The following CSMD1 variants were observed in gnomAD, a reference collection of about 807,000 sequenced individuals.
The protein encoded by CSMD1 is CUB and Sushi multiple domains 1.
A neutral mutation model predicts 417.5 loss-of-function variants in CSMD1; 213 were observed. The ratio of observed to expected loss-of-function variants is 0.51; its 90% CI spans 0.46 to 0.57. The LOEUF is 0.57. Ranked by LOEUF, CSMD1 falls within the 20% of genes least tolerant of loss-of-function variation. The pLI, the probability that CSMD1 is intolerant of heterozygous loss-of-function variation, is 0.00. For synonymous variants in CSMD1, 2,862 were observed against 1,736.8 expected, an observed-to-expected ratio of 1.65 and a Z score of -16.11; for missense variants, 6,923 against 4,529.7, an observed-to-expected ratio of 1.53 and a Z score of -15.17.
chr8:3,967,503 G>A (rs368064615), intron 5 of CSMD1, among the ~76,000 whole-genome samples: 10 of 151,928 alleles, frequency 6.6e-5, no homozygotes, highest in East Asian at 3.9e-4. Flanking sequence ...CATGTGTTGC[G>A]GACTTGGATG....
chr8:4,882,239 C>A (rs561851876), intron 1 of CSMD1, among the ~76,000 whole-genome samples: 1 of 151,954 alleles, frequency 6.6e-6, no homozygotes, highest in South Asian at 2.1e-4. Flanking sequence ...GCATCCTCTA[C>A]GTGCCCTGAG....
chr8:4,174,467 G>T (rs531645511), intron 3 of CSMD1, among the ~76,000 whole-genome samples: 2 of 151,510 alleles, frequency 1.3e-5, no homozygotes, highest in African/African-American at 2.4e-5. Flanking sequence ...TTAAATAATA[G>T]GTTTGGAAGG....
At chr8:3,281,039 G>C (rs1162253476) in intron 26 of CSMD1, among the ~76,000 whole-genome samples, 1 of 152,164 alleles carries the variant, frequency 6.6e-6, no homozygotes, top group Non-Finnish European at 1.5e-5. Flanking sequence ...TATCTAGTCA[G>C]GTGAACTGAA....
chr8:3,113,960 G>T lies in CSMD1; in HGVS notation c.6431-3625C>A, dbSNP rs1002667314. 2.0e-5 allele frequency among the ~76,000 whole-genome samples: 3 copies of T among 152,162 alleles called. No individual in the cohort carries two copies. In the East Asian group the frequency reaches 5.8e-4, roughly 29 times the overall value. On this transcript the variant is annotated intron_variant, in intron 42 of 69. Transcript: ENST00000635120. ...AGGCTGGCTGTTATGGCTCATAGCTGTAATTCCAGCACTTTGGTAGGCTTA... is the reference window on the plus strand; with the variant it reads ...AGGCTGGCTGTTATGGCTCATAGCTTTAATTCCAGCACTTTGGTAGGCTTA...
rs1178215146 is a variant in CSMD1, at chr8:3,145,304, G to C, written c.6032-2630C>G. Among the ~76,000 whole-genome samples the C allele has an allele frequency of 1.1e-4, 16 of 152,260 alleles. No homozygotes were observed. In the East Asian group the frequency reaches 2.9e-3, roughly 28 times the overall value. ...TTGGAACACTTAATATTTTATGGTA[G>C]GGAAATGGCTGAGAATGTGCTCACT... On this transcript the variant is annotated intron_variant, in intron 40 of 69. Coordinates refer to ENST00000635120, the MANE Select transcript of CSMD1 (RefSeq NM_033225.6).
chr8:3,052,356 C>T (rs1158797822), intron 50 of CSMD1, 106 bp downstream of exon 50: 2 of 722,028 alleles, frequency 2.8e-6, no homozygotes, highest in African/African-American at 3.6e-5. Context: ...CAAATCCTCA[C>T]AAGGTGTGGG....
At chr8:3,462,608 G>T (rs1036408689) in intron 12 of CSMD1, among the ~76,000 whole-genome samples, 1 of 152,078 alleles carries the variant, frequency 6.6e-6, no homozygotes, top group East Asian at 1.9e-4. Context: ...AACAAGCTCA[G>T]GGCTCCCAAT....
At chr8:4,883,648 A>G (rs1689593385) in intron 1 of CSMD1, among the ~76,000 whole-genome samples, 1 of 152,048 alleles carries the variant, frequency 6.6e-6, no homozygotes, top group African/African-American at 2.4e-5. Context: ...TGTAGCATGT[A>G]TTAGTACTTT....
intron 3 of CSMD1, among the ~76,000 whole-genome samples, chr8:4,307,982 G>A (rs1029840855): frequency 6.6e-6 from 1 of 152,104 alleles, no homozygotes; most frequent in Admixed American, 6.6e-5. Context: ...AATTACAGAG[G>A]CTCAAGGAGG....
chr8:3,911,666 C>T (rs1808476942), intron 5 of CSMD1, among the ~76,000 whole-genome samples: 1 of 152,050 alleles, frequency 6.6e-6, no homozygotes, highest in South Asian at 2.1e-4. Context: ...TTTCACATGT[C>T]ATTGCTTGTC....
At chr8:3,456,639 G>A (rs148387836) in intron 12 of CSMD1, among the ~76,000 whole-genome samples, 152 of 152,254 alleles carry the variant, frequency 1.0e-3, no homozygotes, top group African/African-American at 3.3e-3. Flanking sequence ...CCTAGTGGAC[G>A]TGTTTCAGTA....
chr8:3,573,898 A>G (rs1800041911), intron 10 of CSMD1, among the ~76,000 whole-genome samples: 1 of 152,094 alleles, frequency 6.6e-6, no homozygotes, highest in Non-Finnish European at 1.5e-5. Context: ...TTTTAAGTGA[A>G]ATCAATATGA....
At chr8:3,890,727 T>C (rs1224204243) in intron 5 of CSMD1, among the ~76,000 whole-genome samples, 2 of 152,182 alleles carry the variant, frequency 1.3e-5, no homozygotes, top group African/African-American at 4.8e-5. Context: ...ATTGGGAGCA[T>C]GATGCAAGTT....
At chr8:4,228,421 G>A (rs1624827) in intron 3 of CSMD1, among the ~76,000 whole-genome samples, 5,114 of 152,052 alleles carry the variant, frequency 0.034, 84 homozygotes, top group Middle Eastern at 0.099. Flanking sequence ...CTGAATTTAA[G>A]CAGCAGCACC....
At chr8:3,033,281 T>A (rs1021018564) in intron 50 of CSMD1, among the ~76,000 whole-genome samples, 2 of 152,066 alleles carry the variant, frequency 1.3e-5, no homozygotes, top group African/African-American at 4.8e-5. Flanking sequence ...ATAAACAATA[T>A]GATAAAATTG....
chr8:3,193,717 A>T (rs925374127), intron 33 of CSMD1, among the ~76,000 whole-genome samples: 1 of 152,192 alleles, frequency 6.6e-6, no homozygotes, highest in African/African-American at 2.4e-5. Context: ...TTGACTTCTC[A>T]GGCCAGACAA....
intron 40 of CSMD1, among the ~76,000 whole-genome samples, chr8:3,144,981 G>A (rs1334689490): frequency 5.9e-5 from 9 of 152,056 alleles, no homozygotes; most frequent in East Asian, 1.9e-4. Context: ...ACAGTTTGGC[G>A]GTATGCCCAC....
chr8:4,280,677 C>G (rs1326235090), intron 3 of CSMD1, among the ~76,000 whole-genome samples: 9 of 152,124 alleles, frequency 5.9e-5, no homozygotes, highest in Admixed American at 1.3e-4. Context: ...AAAATGCTAA[C>G]CTTGTCTAGA....
intron 25 of CSMD1, among the ~76,000 whole-genome samples, chr8:3,286,987 A>T (rs1803210136): frequency 6.6e-6 from 1 of 152,038 alleles, no homozygotes; most frequent in South Asian, 2.1e-4. Flanking sequence ...ATCCATCTTG[A>T]ATTAATTTTT....
Sources: gnomAD v4.1 joint callset for allele counts (sites outside exome capture counted in the v4.1 genomes callset) on GRCh38, gnomAD v4.1.1 for gene constraint, MANE v1.5 for transcripts, NCBI Gene and HGNC (gene_info 2026-07-23, HGNC 2026-07-21) for gene names.